The following UGT1A6 variants were observed in gnomAD, a reference collection of about 807,000 sequenced individuals.
The protein encoded by UGT1A6 is UDP-glucuronosyltransferase 1A6.
In UGT1A6, 32 loss-of-function variants were observed where a neutral mutation model predicts 44.4. The ratio of observed to expected loss-of-function variants is 0.72; its 90% CI spans 0.54 to 0.97. The LOEUF (loss-of-function observed/expected upper bound fraction) is 0.97, where lower values mean the gene tolerates loss of function less well. Among genes scored for constraint, UGT1A6 ranks in the 50% least tolerant of loss-of-function variants. The pLI is 0.00. For synonymous variants in UGT1A6, 238 were observed against 248.5 expected (o/e 0.96, Z 0.40); for missense variants, 685 against 661.9 (o/e 1.03, Z -0.38).
At chr2:233,697,382 C>G (rs576473887) in intron 1 of UGT1A6, among the ~76,000 whole-genome samples, 1 of 152,024 alleles carries the variant, frequency 6.6e-6, no homozygotes, top group Non-Finnish European at 1.5e-5. Flanking sequence ...TCACAATAAT[C>G]GCTAATGATC....
chr2:233,753,155 C>T (rs1695142736), intron 1 of UGT1A6: 2 of 152,204 alleles, frequency 1.3e-5, no homozygotes, highest in Admixed American at 6.5e-5. Flanking sequence ...TGTAAGTTCC[C>T]TTATCCGGAT....
At chr2:233,749,889 C>G (rs1694294053) in intron 1 of UGT1A6, among the ~76,000 whole-genome samples, 1 of 151,896 alleles carries the variant, frequency 6.6e-6, no homozygotes. Context: ...TCCTGAGGCT[C>G]CCCCCTCCAG....
intron 1 of UGT1A6, chr2:233,754,567 T>C (rs1377287717): frequency 5.0e-6 from 2 of 402,366 alleles, no homozygotes; most frequent in African/African-American, 4.2e-5. Flanking sequence ...GGGGAGCAAC[T>C]GCTCTATGCC....
Position 233,745,964 on chromosome 2 carries a change from C to T in UGT1A6, c.862-21070C>T, listed in dbSNP as rs543022659. Among the ~76,000 whole-genome samples, 31 of 151,710 alleles carry T rather than the reference C, an allele frequency of 2.0e-4. No homozygotes were observed. In the South Asian group the frequency reaches 6.4e-3, roughly 32 times the overall value. The stretch of plus-strand genomic sequence containing the variant: ...GGGTTGGGCAACTGGGGGACAGGGG[C>T]CCTGAAATGGGACCATGACAGCTGG... On this transcript the variant is annotated intron_variant, in intron 1 of 4. Transcript: ENST00000305139.
chr2:233,755,070 C>G, intron 1 of UGT1A6: 1 of 1,336,550 alleles, frequency 7.5e-7, no homozygotes, highest in African/African-American at 1.5e-5. Flanking sequence ...CTCGCCATAG[C>G]GGTCATAGAT....
At chr2:233,736,679 G>C (rs2078792170) in intron 1 of UGT1A6, among the ~76,000 whole-genome samples, 1 of 152,134 alleles carries the variant, frequency 6.6e-6, no homozygotes, top group African/African-American at 2.4e-5. Flanking sequence ...CTTTGATGTT[G>C]GTGACCTACA....
intron 1 of UGT1A6, among the ~76,000 whole-genome samples, chr2:233,702,498 T>C (rs1372643212): frequency 6.6e-6 from 1 of 152,198 alleles, no homozygotes; most frequent in Non-Finnish European, 1.5e-5. Context: ...TAGTACCGTG[T>C]TGAATAGAAG....
intron 1 of UGT1A6, among the ~76,000 whole-genome samples, chr2:233,763,126 A>G (rs1210244781): frequency 2.0e-5 from 3 of 152,250 alleles, no homozygotes. Flanking sequence ...CCTTTCTGGC[A>G]TTTATTGATA....
intron 1 of UGT1A6, among the ~76,000 whole-genome samples, chr2:233,738,491 G>A (rs113157638): frequency 2.0e-5 from 3 of 152,180 alleles, no homozygotes; most frequent in Non-Finnish European, 4.4e-5. Context: ...CTTGTTGAAC[G>A]GTTTTGACCA....
chr2:233,708,093 A>G (rs1032975136), intron 1 of UGT1A6, among the ~76,000 whole-genome samples: 2 of 152,222 alleles, frequency 1.3e-5, no homozygotes, highest in African/African-American at 4.8e-5. Context: ...ATTCAAACGA[A>G]TTAGAATAAA....
intron 1 of UGT1A6, among the ~76,000 whole-genome samples, chr2:233,706,592 C>T (rs2075915253): frequency 6.6e-6 from 1 of 151,948 alleles, no homozygotes; most frequent in African/African-American, 2.4e-5. Flanking sequence ...GGGAGGTGGA[C>T]CTAAGTATGT....
chr2:233,694,550 A>C lies in UGT1A6; in HGVS notation c.861+685A>C, dbSNP rs45573037. Among the ~76,000 whole-genome samples, 1,290 of 152,304 alleles carry C rather than the reference A, an allele frequency of 8.5e-3. 9 individuals carry two copies. Among genetic ancestry groups the C allele is most frequent in the Middle Eastern group, 0.024 (7 of 294 alleles). ...GCCCAGAGTTACTTTGGAAAATAAA[A>C]ATCTGTGAGTTTTAAATTTCAATGT... On this transcript the variant is annotated intron_variant, in intron 1 of 4. Transcript: ENST00000305139.
intron 1 of UGT1A6, among the ~76,000 whole-genome samples, chr2:233,764,010 C>T (rs956490955): frequency 8.5e-5 from 13 of 152,216 alleles, no homozygotes; most frequent in Admixed American, 5.2e-4. Context: ...CACAGATGAC[C>T]CACATGGTGT....
At chr2:233,723,922 G>A (rs1482507868) in intron 1 of UGT1A6, among the ~76,000 whole-genome samples, 1 of 49,060 alleles carries the variant, frequency 2.0e-5, no homozygotes, top group Non-Finnish European at 3.5e-5. Flanking sequence ...AGTCTCCCAT[G>A]TCTACTTCTT....
chr2:233,729,564 T>C (rs537662273), intron 1 of UGT1A6: 126 of 1,614,046 alleles, frequency 7.8e-5, no homozygotes, highest in Non-Finnish European at 1.0e-4. Context: ...CTACTTCCTT[T>C]GATGTGGTTT....
chr2:233,765,887 T>G (rs1279202147), intron 1 of UGT1A6, among the ~76,000 whole-genome samples: 1 of 152,030 alleles, frequency 6.6e-6, no homozygotes, highest in African/African-American at 2.4e-5. Flanking sequence ...ACTTTCTCAG[T>G]GCGCCACTGC....
intron 1 of UGT1A6, among the ~76,000 whole-genome samples, chr2:233,741,290 C>T (rs1691616711): frequency 6.6e-6 from 1 of 151,724 alleles, no homozygotes. Context: ...ATTTATGTAC[C>T]CAATTGTGTA....
At chr2:233,736,756 T>G (rs535805323) in intron 1 of UGT1A6, among the ~76,000 whole-genome samples, 1 of 152,338 alleles carries the variant, frequency 6.6e-6, no homozygotes, top group Non-Finnish European at 1.5e-5. Context: ...TTGTTAGTTT[T>G]CCTTCTAACA....
At chr2:233,694,086 G>A (rs45532642) in intron 1 of UGT1A6, among the ~76,000 whole-genome samples, 2 of 152,146 alleles carry the variant, frequency 1.3e-5, no homozygotes, top group Non-Finnish European at 1.5e-5. Context: ...GGCAAGAGTA[G>A]GAGATTTGCT....
Sources: allele counts gnomAD v4.1 joint callset (sites outside exome capture counted in the v4.1 genomes callset), GRCh38; gene constraint gnomAD v4.1.1; transcripts MANE v1.5; gene names NCBI Gene and HGNC (gene_info 2026-07-23, HGNC 2026-07-21).